Variants in TMEM123 observed in about 807,000 individuals in gnomAD.
The protein encoded by TMEM123 is porimin.
Under a neutral mutation model 19.7 loss-of-function variants are expected in TMEM123, and 16 were observed. The observed-to-expected ratio is 0.81, with a 90% confidence interval of 0.55 to 1.23. The LOEUF is 1.23. TMEM123 is among the 50% of genes most tolerant of loss of function. The probability of loss-of-function intolerance (pLI) is 0.00; values close to 1 mark genes in which losing one functional copy is unlikely to be tolerated. For synonymous variants in TMEM123, 118 were observed against 99.4 expected, an observed-to-expected ratio of 1.19 and a Z score of -1.12; for missense variants, 313 against 257.8, an observed-to-expected ratio of 1.21 and a Z score of -1.47.
At chr11:102,401,249 ATGAG>A (rs1356733174) in intron 4 of TMEM123, among the ~76,000 whole-genome samples, 1 of 152,196 alleles carries the variant, frequency 6.6e-6, no homozygotes, top group Non-Finnish European at 1.5e-5. Context: ...GATTATTGGT[ATGAG>A]TAAGTGAAAA....
At chr11:102,448,027 ACTC>A (rs1284581636) in intron 2 of TMEM123, among the ~76,000 whole-genome samples, 1 of 152,170 alleles carries the variant, frequency 6.6e-6, no homozygotes. Context: ...AAGAACAAAA[ACTC>A]CTAGAAGTTA....
rs1470738847 is a variant in TMEM123 at position 102,401,622 on chromosome 11, A to G, written c.519T>C (p.Ile173=). The change falls in exon 4 of 5, where the codon ATT becomes ATC. Residue 173 remains isoleucine, a synonymous_variant. Coordinates refer to ENST00000398136, the MANE Select transcript of TMEM123 (RefSeq NM_052932.3). ...TAGATAAAACTCCCAGCGTTAATAC[A>G]ATACCACCAACAAAGCTCCCAGTAT... ...KFDTGSFVGG[I]VLTLGVLSIL... 6.2e-7 allele frequency: 1 copy of G among 1,608,798 alleles called. No individual in the cohort carries two copies. The highest frequency in any genetic ancestry group is 1.3e-5 in the African/African-American group (1 of 74,608).
chr11:102,445,028 G>A (rs2135865595), intron 2 of TMEM123, among the ~76,000 whole-genome samples: 1 of 152,118 alleles, frequency 6.6e-6, no homozygotes. Flanking sequence ...GTGGGGTGGG[G>A]GGAAGGGGGG....
intron 2 of TMEM123, among the ~76,000 whole-genome samples, chr11:102,447,178 T>G (rs1857893298): frequency 6.6e-6 from 1 of 152,204 alleles, no homozygotes; most frequent in Non-Finnish European, 1.5e-5. Flanking sequence ...CTCAAAAAAT[T>G]TCCCTGTGCT....
chr11:102,405,388 C>T (rs1479162979), intron 2 of TMEM123, among the ~76,000 whole-genome samples: 1 of 152,092 alleles, frequency 6.6e-6, no homozygotes, highest in Non-Finnish European at 1.5e-5. Context: ...GGAATTAACG[C>T]TTTTATACTA....
intron 2 of TMEM123, among the ~76,000 whole-genome samples, chr11:102,436,707 T>TA (rs1460652325): frequency 6.6e-6 from 1 of 152,232 alleles, no homozygotes; most frequent in Non-Finnish European, 1.5e-5. Context: ...ATCTTTGTGT[T>TA]ACTCAACATG....
chr11:102,448,762 A>G, intron 2 of TMEM123, 50 bp downstream of exon 2: 1 of 1,571,698 alleles, frequency 6.4e-7, no homozygotes, highest in African/African-American at 1.4e-5. Flanking sequence ...TTATTACTTC[A>G]TGTACCCTAG....
At position 102,398,377 on chromosome 11, in the gene TMEM123, T is replaced by A; in HGVS notation, c.*490A>T. 2.5e-6 allele frequency: 1 copy of A among 392,800 alleles called. No homozygotes were observed. The highest frequency in any genetic ancestry group is 4.5e-6 in the Non-Finnish European group (1 of 222,900). The allele number at this position is 392,800 out of a possible 1,614,324, so 24.3% of individuals were successfully genotyped here. On this transcript the variant is annotated 3_prime_UTR_variant, in exon 5 of 5. Coordinates refer to ENST00000398136, the MANE Select transcript of TMEM123 (RefSeq NM_052932.3). ...TGTTGATGTTTTTCTTAAATTATGC[T>A]TCAGATCTAGTTTGATTGTATAATT...
intron 1 of TMEM123, among the ~76,000 whole-genome samples, chr11:102,449,865 C>T (rs1277663062): frequency 6.6e-6 from 1 of 152,150 alleles, no homozygotes; most frequent in Non-Finnish European, 1.5e-5. Flanking sequence ...GAACTGAGGC[C>T]CAGAGAAGGC....
At chr11:102,423,863 T>C (rs996055720) in intron 2 of TMEM123, among the ~76,000 whole-genome samples, 9 of 152,236 alleles carry the variant, frequency 5.9e-5, no homozygotes, top group African/African-American at 2.2e-4. Flanking sequence ...TATACACTTT[T>C]GCATTACTTA....
chr11:102,430,002 G>T (rs1383106578), intron 2 of TMEM123, among the ~76,000 whole-genome samples: 1 of 152,222 alleles, frequency 6.6e-6, no homozygotes, highest in Non-Finnish European at 1.5e-5. Flanking sequence ...CGTAGGGGCA[G>T]AGGCCTCTCT....
rs767632296 is a variant in TMEM123, at chr11:102,398,906, A to AAGTT, written c.603-19_603-16dup. The AAGTT allele has an allele frequency of 5.8e-4, 933 of 1,604,448 alleles. 2 individuals are homozygous for AAGTT. Among genetic ancestry groups the AAGTT allele is most frequent in the Non-Finnish European group, 7.4e-4 (872 of 1,176,972 alleles). On this transcript the variant is annotated splice_polypyrimidine_tract_variant and intron_variant, in intron 4 of 4. Transcript: ENST00000398136. Reference sequence around the variant, plus strand: ...CATGTTCATCTCTGTAATATATTAAAAGTTACAATTACTTTGTTTTGTTTT... The same window carrying AAGTT: ...CATGTTCATCTCTGTAATATATTAAAAGTTAGTTACAATTACTTTGTTTTGTTTT...
At chr11:102,415,052 C>G (rs1461328052) in intron 2 of TMEM123, among the ~76,000 whole-genome samples, 1 of 152,122 alleles carries the variant, frequency 6.6e-6, no homozygotes, top group East Asian at 1.9e-4. Context: ...ATTCTTATTT[C>G]AGACAAACTT....
chr11:102,407,437 C>T (rs1951965376), intron 2 of TMEM123, among the ~76,000 whole-genome samples: 1 of 152,158 alleles, frequency 6.6e-6, no homozygotes, highest in South Asian at 2.1e-4. Context: ...TACAGTTGTC[C>T]ATGCTCAGTG....
intron 2 of TMEM123, among the ~76,000 whole-genome samples, chr11:102,404,554 T>C (rs1303696946): frequency 6.6e-6 from 1 of 151,994 alleles, no homozygotes. Flanking sequence ...AAAGTGCTAG[T>C]ACTACAGGTG....
At chr11:102,428,527 G>A (rs1018964682) in intron 2 of TMEM123, among the ~76,000 whole-genome samples, 3 of 148,502 alleles carry the variant, frequency 2.0e-5, no homozygotes, top group African/African-American at 7.5e-5. Flanking sequence ...GGCTGCTCTC[G>A]AACTCCTGAC....
intron 2 of TMEM123, among the ~76,000 whole-genome samples, chr11:102,412,288 C>T (rs12271569): frequency 0.012 from 1,867 of 152,182 alleles, 39 homozygotes; most frequent in African/African-American, 0.042. Flanking sequence ...AAAATTAGGG[C>T]ATGGTGGCGC....
chr11:102,450,901 G>C (rs1857931515), intron 1 of TMEM123, among the ~76,000 whole-genome samples: 1 of 152,206 alleles, frequency 6.6e-6, no homozygotes, highest in Admixed American at 6.5e-5. Context: ...ATTGTATACA[G>C]ATTACACTAT....
intron 2 of TMEM123, among the ~76,000 whole-genome samples, chr11:102,433,554 G>A (rs1056720143): frequency 1.3e-5 from 2 of 151,880 alleles, no homozygotes; most frequent in Admixed American, 6.6e-5. Flanking sequence ...CCTTATCTCA[G>A]TTGAGATTTT....
Sources: gnomAD v4.1 joint callset for allele counts (sites outside exome capture counted in the v4.1 genomes callset) on GRCh38, gnomAD v4.1.1 for gene constraint, MANE v1.5 for transcripts, NCBI Gene and HGNC (gene_info 2026-07-23, HGNC 2026-07-21) for gene names.